The following PARP4 variants were observed in gnomAD, a reference collection of about 807,000 sequenced individuals.
The protein encoded by PARP4 is poly(ADP-ribose) polymerase family member 4.
In PARP4, 120 loss-of-function variants were observed where a neutral mutation model predicts 187.7. The ratio of observed to expected loss-of-function variants is 0.64; its 90% CI spans 0.55 to 0.74. The LOEUF (loss-of-function observed/expected upper bound fraction) is 0.74. Among genes scored for constraint, PARP4 ranks in the 30% least tolerant of loss-of-function variants. The probability of loss-of-function intolerance (pLI) is 0.00; values close to 1 mark genes in which losing one functional copy is unlikely to be tolerated. For synonymous variants in PARP4, 654 were observed against 740.9 expected (o/e 0.88, Z 1.90); for missense variants, 1,836 against 2,070.5 (o/e 0.89, Z 2.20).
rs1214193220 is a variant in PARP4, at chr13:24,469,805, A to AG, written c.2046+88dup. On this transcript the variant is annotated intron_variant, in intron 16 of 33. Coordinates refer to ENST00000381989, the MANE Select transcript of PARP4 (RefSeq NM_006437.4). ...TGATAAGGCTGCTACTCAACCTTGT[A>AG]GCCATGGGGACTCCAAAAACAAAGG... The AG allele has an allele frequency of 7.3e-6, 10 of 1,369,962 alleles. No homozygotes were observed. In the African/African-American group the frequency reaches 1.4e-4, roughly 20 times the overall value. 84.9% of individuals were successfully genotyped at this position (1,369,962 alleles called of 1,614,324 possible).
At chr13:24,456,208 A>C in intron 21 of PARP4, 133 bp downstream of exon 21, 1 of 654,346 alleles carries the variant, frequency 1.5e-6, no homozygotes, top group Non-Finnish European at 2.5e-6. Context: ...TTTTAGTTGC[A>C]GAATCTTGAG....
At chr13:24,465,152 G>A (rs1246487982) in intron 17 of PARP4, among the ~76,000 whole-genome samples, 3 of 152,174 alleles carry the variant, frequency 2.0e-5, no homozygotes, top group Non-Finnish European at 4.4e-5. Flanking sequence ...ATTCTGGCAA[G>A]GCTGTGGAGA....
At chr13:24,492,320 A>C in intron 9 of PARP4, 101 bp downstream of exon 9, 1 of 770,606 alleles carries the variant, frequency 1.3e-6, no homozygotes, top group African/African-American at 1.8e-5. Context: ...AACTCTGGAG[A>C]CAATTTCATG....
At chr13:24,442,960 T>G (rs1050553418) in intron 28 of PARP4, among the ~76,000 whole-genome samples, 1 of 151,822 alleles carries the variant, frequency 6.6e-6, no homozygotes, top group Non-Finnish European at 1.5e-5. Context: ...GCTGAGGAAT[T>G]GGAAAGATGG....
At chr13:24,428,304 G>A (rs1447880161) in intron 32 of PARP4, among the ~76,000 whole-genome samples, 1 of 151,460 alleles carries the variant, frequency 6.6e-6, no homozygotes, top group African/African-American at 2.5e-5. Flanking sequence ...GCTGTTTCTT[G>A]TCCAGTCTGA....
At chr13:24,425,605 C>A (rs9511251) in intron 33 of PARP4, among the ~76,000 whole-genome samples, 50,255 of 146,752 alleles carry the variant, frequency 0.34, 8,899 homozygotes, top group African/African-American at 0.38. Context: ...ATATCTATAT[C>A]TATATATCTC....
chr13:24,495,271 T>C (rs930269358), intron 6 of PARP4, among the ~76,000 whole-genome samples: 8 of 152,172 alleles, frequency 5.3e-5, no homozygotes, highest in Non-Finnish European at 8.8e-5. Context: ...TTTGTTTCAC[T>C]GGAGAGTTAC....
intron 9 of PARP4, among the ~76,000 whole-genome samples, chr13:24,491,158 T>C (rs1868627471): frequency 6.6e-6 from 1 of 152,060 alleles, no homozygotes; most frequent in East Asian, 1.9e-4. Flanking sequence ...TTTGCTCTTG[T>C]TGACCAGGCT....
chr13:24,459,146 G>T lies in PARP4; in HGVS notation c.2346-24C>A, dbSNP rs759869359. 7 of 1,586,716 alleles carry T rather than the reference G, an allele frequency of 4.4e-6. No individual in the cohort carries two copies. In the Admixed American group the frequency reaches 7.0e-5, roughly 16 times the overall value. ...AGCTAGCAAAAATGAAGAGAAAGTT[G>T]TCTTAGTCTACGATCTTAAATTTCT... On this transcript the variant is annotated intron_variant, in intron 19 of 33. Coordinates refer to ENST00000381989, the MANE Select transcript of PARP4 (RefSeq NM_006437.4).
rs375418225 is a variant in PARP4 at position 24,449,769 on chromosome 13, G to A, written c.3063C>T (p.Ala1021=). ...HVLRILSQCG[A]GVFEYFNAKS... ...TTGCATTAAAATATTCAAATACTCC[G>A]GCACCACACTGGGACAAAATCCTTA... The change falls in exon 25 of 34, where the codon GCC becomes GCT. Residue 1021 remains alanine, a synonymous_variant. Transcript: ENST00000381989. 1.6e-5 allele frequency: 25 copies of A among 1,610,898 alleles called. 1 individual carries two copies. The highest frequency in any genetic ancestry group is 1.3e-4 in the African/African-American group (10 of 74,766).
In PARP4 at chr13:24,434,505, C is replaced by G; in HGVS notation, c.4636G>C (p.Asp1546His). 1 of 1,613,928 alleles carries G rather than the reference C, an allele frequency of 6.2e-7. No individual in the cohort carries two copies. The highest frequency in any genetic ancestry group is 8.5e-7 in the Non-Finnish European group (1 of 1,179,794). ...CFLQIKCDTK[D>H]DSILCFLEVK... The stretch of plus-strand genomic sequence containing the variant: ...TCCAGAAAGCACAGGATACTGTCAT[C>G]TTTTGTATCACATTTTATTTGTAAA... Residue 1546 changes from aspartate to histidine, a missense_variant, in exon 31 of 34, where the codon GAT becomes CAT. Transcript: ENST00000381989.
Position 24,494,822 on chromosome 13 carries a change from G to A in PARP4, c.592-100C>T, listed in dbSNP as rs189656307. 1.8e-3 allele frequency: 1,343 copies of A among 727,128 alleles called. 8 individuals carry two copies. Among genetic ancestry groups the A allele is most frequent in the Non-Finnish European group, 1.9e-3 (893 of 458,632 alleles). The allele number at this position is 727,128 out of a possible 1,614,324, so 45.0% of individuals were successfully genotyped here. A position where few individuals can be genotyped will look rare whatever the true frequency, so the allele number is the denominator to read the frequency against. On this transcript the variant is annotated intron_variant, in intron 6 of 33. Coordinates refer to ENST00000381989, the MANE Select transcript of PARP4 (RefSeq NM_006437.4). ...TAGGTCCTTGACATGAAGAAGCTTAGAAATTAGTTTTTTTCAAAGAATTAC... is the reference window on the plus strand; with the variant it reads ...TAGGTCCTTGACATGAAGAAGCTTAAAAATTAGTTTTTTTCAAAGAATTAC...
At chr13:24,487,803 C>CGGT (rs1167644312) in intron 10 of PARP4, among the ~76,000 whole-genome samples, 1 of 152,178 alleles carries the variant, frequency 6.6e-6, no homozygotes, top group African/African-American at 2.4e-5. Context: ...ACAGAGCTGG[C>CGGT]TTACCAGCAC....
chr13:24,452,375 T>C lies in PARP4; in HGVS notation c.3014+31A>G, dbSNP rs1033331154. 6 of 1,585,536 alleles carry C rather than the reference T, an allele frequency of 3.8e-6. No individual in the cohort carries two copies. The East Asian group carries it at 6.7e-5, about 18-fold the overall frequency. Reference sequence around the variant, plus strand: ...CAACAAGACGACCTCCCCGTGGGTCTGGACTATGTGACCAGCTCTCTGAGA... The same window carrying C: ...CAACAAGACGACCTCCCCGTGGGTCCGGACTATGTGACCAGCTCTCTGAGA... On this transcript the variant is annotated intron_variant, in intron 24 of 33. Transcript: ENST00000381989.
intron 11 of PARP4, 50 bp from the exon 12 acceptor site, chr13:24,484,798 T>A (rs1239129867): frequency 1.6e-6 from 2 of 1,230,280 alleles, no homozygotes; most frequent in Non-Finnish European, 1.2e-6. Context: ...TGACTGCATC[T>A]CTTCCTTGCT....
intron 21 of PARP4, among the ~76,000 whole-genome samples, chr13:24,456,086 ATGT>A: frequency 6.6e-6 from 1 of 152,322 alleles, no homozygotes; most frequent in South Asian, 2.1e-4. Context: ...CTGATGGCAC[ATGT>A]TCTTTTGGTG....
intron 33 of PARP4, among the ~76,000 whole-genome samples, chr13:24,425,834 G>A (rs1035100242): frequency 2.0e-5 from 3 of 151,992 alleles, no homozygotes; most frequent in African/African-American, 7.3e-5. Flanking sequence ...AAGGTGGCTG[G>A]TGTGAGGGGG....
chr13:24,439,527 T>C (rs1166447791), intron 30 of PARP4, among the ~76,000 whole-genome samples: 1 of 152,100 alleles, frequency 6.6e-6, no homozygotes, highest in Non-Finnish European at 1.5e-5. Flanking sequence ...GGCGTATCTC[T>C]TATTTTTGTT....
chr13:24,507,832 C>A (rs1869792906), intron 1 of PARP4, among the ~76,000 whole-genome samples: 1 of 152,258 alleles, frequency 6.6e-6, no homozygotes, highest in Non-Finnish European at 1.5e-5. Context: ...CAGCTTGGTC[C>A]TCCAAGTCTT....
Sources: allele counts gnomAD v4.1 joint callset (sites outside exome capture counted in the v4.1 genomes callset), GRCh38; gene constraint gnomAD v4.1.1; transcripts MANE v1.5; gene names NCBI Gene and HGNC (gene_info 2026-07-23, HGNC 2026-07-21).